Variants in WDR19 observed in about 807,000 individuals in gnomAD.
WDR19 encodes the protein WD repeat domain 19.
WDR19 carries 121 observed loss-of-function variants against 180.0 expected under a neutral mutation model. The ratio of observed to expected loss-of-function variants is 0.67; its 90% CI spans 0.58 to 0.78. The LOEUF (loss-of-function observed/expected upper bound fraction) is 0.78, where lower values mean the gene tolerates loss of function less well. Among genes scored for constraint, WDR19 ranks in the 30% least tolerant of loss-of-function variants. The pLI, the probability that WDR19 is intolerant of heterozygous loss-of-function variation, is 0.00. For synonymous variants in WDR19, 497 were observed against 540.7 expected, an observed-to-expected ratio of 0.92 and a Z score of 1.12; for missense variants, 1,450 against 1,640.7, an observed-to-expected ratio of 0.88 and a Z score of 2.01.
intron 28 of WDR19, 120 bp downstream of exon 28, chr4:39,257,674 G>T: frequency 2.4e-6 from 2 of 833,504 alleles, no homozygotes; most frequent in East Asian, 2.8e-5. Flanking sequence ...CATACCTATC[G>T]TGTAACTTCA....
chr4:39,233,889 G>A (rs2109374012), intron 19 of WDR19, among the ~76,000 whole-genome samples: 1 of 152,268 alleles, frequency 6.6e-6, no homozygotes, highest in Non-Finnish European at 1.5e-5. Context: ...AAGGATTTGA[G>A]GTAATGGATT....
chr4:39,281,431 C>T (rs1452179121), intron 36 of WDR19, among the ~76,000 whole-genome samples: 6 of 115,746 alleles, frequency 5.2e-5, no homozygotes, highest in East Asian at 2.2e-4. Flanking sequence ...TCTTCTTTGC[C>T]GTTGACGTGT....
intron 20 of WDR19, among the ~76,000 whole-genome samples, chr4:39,236,022 T>C (rs1356969374): frequency 1.3e-5 from 2 of 152,232 alleles, no homozygotes; most frequent in Admixed American, 1.3e-4. Context: ...GGAATGCTTA[T>C]ATACTGTTGA....
intron 6 of WDR19, 106 bp from the exon 7 acceptor site, chr4:39,203,536 A>G: frequency 1.1e-6 from 1 of 877,010 alleles, no homozygotes; most frequent in Non-Finnish European, 1.8e-6. Flanking sequence ...TCAGGTTCTT[A>G]GTCCAACATT....
chr4:39,265,044 G>A (rs1264487340), intron 28 of WDR19, among the ~76,000 whole-genome samples: 5 of 150,592 alleles, frequency 3.3e-5, no homozygotes, highest in South Asian at 2.1e-4. Flanking sequence ...TCAGCCTCCC[G>A]AGTAGCTGAG....
intron 13 of WDR19, among the ~76,000 whole-genome samples, chr4:39,217,487 A>G (rs960697084): frequency 1.3e-5 from 2 of 152,146 alleles, no homozygotes; most frequent in Non-Finnish European, 2.9e-5. Flanking sequence ...TAAAACAGTA[A>G]TAATAATAAT....
At chr4:39,267,502 G>A (rs1734934118) in intron 29 of WDR19, among the ~76,000 whole-genome samples, 1 of 152,210 alleles carries the variant, frequency 6.6e-6, no homozygotes, top group Non-Finnish European at 1.5e-5. Flanking sequence ...AGTTGGAATA[G>A]GAATGGAAAA....
At chr4:39,242,253 T>C (rs1344958522) in intron 21 of WDR19, among the ~76,000 whole-genome samples, 2 of 151,870 alleles carry the variant, frequency 1.3e-5, no homozygotes, top group Non-Finnish European at 2.9e-5. Context: ...TATAATAAAA[T>C]TAAAAATTTT....
chr4:39,285,088 A>AC (rs3068588), intron 36 of WDR19, among the ~76,000 whole-genome samples: 10 of 151,844 alleles, frequency 6.6e-5, no homozygotes, highest in African/African-American at 2.4e-4. Flanking sequence ...AGACACACAC[A>AC]AAGTCACTGT....
At chr4:39,256,660 T>C (rs1431237077) in intron 27 of WDR19, among the ~76,000 whole-genome samples, 1 of 152,246 alleles carries the variant, frequency 6.6e-6, no homozygotes. Context: ...TTGTTGTTGC[T>C]GGCCTCTTAG....
chr4:39,217,271 G>A (rs751528954), intron 13 of WDR19, 31 bp downstream of exon 13: 18 of 1,484,264 alleles, frequency 1.2e-5, no homozygotes, highest in Middle Eastern at 1.9e-4. Flanking sequence ...CTGGAGACGC[G>A]CTAAGTTATA....
rs1027136393 is a variant in WDR19, at chr4:39,285,571, C to G, written c.*98C>G. 1 of 152,192 alleles carries G rather than the reference C, an allele frequency of 6.6e-6. No homozygotes were observed. Among genetic ancestry groups the G allele is most frequent in the Non-Finnish European group, 1.5e-5 (1 of 68,048 alleles). The allele number at this position is 152,192 out of a possible 1,614,324, so 9.4% of individuals were successfully genotyped here. A position where few individuals can be genotyped will look rare whatever the true frequency, so the allele number is the denominator to read the frequency against. ...TTTAAGAGACGGTCCTTTCTGGATACAGAGAAATGAAACAACGGTGACCTC... is the reference window on the plus strand; with the variant it reads ...TTTAAGAGACGGTCCTTTCTGGATAGAGAGAAATGAAACAACGGTGACCTC... On this transcript the variant is annotated 3_prime_UTR_variant, in exon 37 of 37. Transcript: ENST00000399820.
At chr4:39,203,621 A>G in intron 6 of WDR19, 21 bp from the exon 7 acceptor site, 2 of 1,593,420 alleles carry the variant, frequency 1.3e-6, no homozygotes, top group Non-Finnish European at 1.7e-6. Flanking sequence ...GTTCATAGTG[A>G]TGATGTTTTT....
chr4:39,231,948 C>A lies in WDR19; in HGVS notation c.2134C>A (p.Gln712Lys). ...GNVGIVMSLE[Q>K]IKGIEDYNLL... ...TGTTGGCATAGTGATGTCCTTGGAA[C>A]AAATAAAGGTAAACAGCATGTTATA... Residue 712 changes from glutamine (Q) to lysine (K), a missense_variant, in exon 18 of 37, where the codon CAA becomes AAA. Coordinates refer to ENST00000399820, the MANE Select transcript of WDR19 (RefSeq NM_025132.4). The A allele has an allele frequency of 6.2e-7, 1 of 1,612,186 alleles. No homozygotes were observed. The highest frequency in any genetic ancestry group is 1.7e-4 in the Middle Eastern group (1 of 6,060).
At chr4:39,184,817 AT>A (rs984087968) in intron 1 of WDR19, among the ~76,000 whole-genome samples, 17 of 152,136 alleles carry the variant, frequency 1.1e-4, no homozygotes, top group African/African-American at 2.7e-4. Context: ...TGAAATCTAA[AT>A]TTTTTCACTG....
chr4:39,285,346 AT>A (rs1234195341), intron 36 of WDR19, 140 bp from the exon 37 acceptor site: 1 of 152,154 alleles, frequency 6.6e-6, no homozygotes, highest in Non-Finnish European at 1.5e-5. Context: ...CAGTCTAGAG[AT>A]TTCTAACTTG....
At chr4:39,212,481 G>A (rs985712547) in intron 9 of WDR19, among the ~76,000 whole-genome samples, 1 of 152,150 alleles carries the variant, frequency 6.6e-6, no homozygotes, top group African/African-American at 2.4e-5. Context: ...CTTTTGCTTT[G>A]TGAAGTACTC....
At chr4:39,278,463 C>A in intron 35 of WDR19, 76 bp from the exon 36 acceptor site, 1 of 1,213,106 alleles carries the variant, frequency 8.2e-7, no homozygotes, top group Non-Finnish European at 1.2e-6. Context: ...AAGTTGTTGT[C>A]TTTCTCATTA....
At chr4:39,251,407 C>T (rs1384373230) in intron 24 of WDR19, among the ~76,000 whole-genome samples, 1 of 151,978 alleles carries the variant, frequency 6.6e-6, no homozygotes, top group African/African-American at 2.4e-5. Flanking sequence ...CCATAAAAAC[C>T]CTAGAAGAAA....
Sources: gnomAD v4.1 joint callset for allele counts (sites outside exome capture counted in the v4.1 genomes callset) on GRCh38, gnomAD v4.1.1 for gene constraint, MANE v1.5 for transcripts, NCBI Gene and HGNC (gene_info 2026-07-23, HGNC 2026-07-21) for gene names.